PKNOX2: variants seen among roughly 807,000 people sequenced by gnomAD.
The protein encoded by PKNOX2 is PBX/knotted 1 homeobox 2.
Under a neutral mutation model 53.1 loss-of-function variants are expected in PKNOX2, and 14 were observed. The ratio of observed to expected loss-of-function variants is 0.26; its 90% CI spans 0.17 to 0.41. PKNOX2 has a LOEUF of 0.41. Ranked by LOEUF, PKNOX2 falls within the 10% of genes least tolerant of loss-of-function variation. The probability of loss-of-function intolerance (pLI) is 1.00; values close to 1 mark genes in which losing one functional copy is unlikely to be tolerated. For missense variants in PKNOX2, 496 were observed against 602.8 expected (o/e 0.82, Z 1.85); for synonymous variants, 257 against 242.8 (o/e 1.06, Z -0.54).
intron 2 of PKNOX2, among the ~76,000 whole-genome samples, chr11:125,313,338 G>T (rs1209650732): frequency 2.6e-5 from 4 of 152,118 alleles, no homozygotes; most frequent in African/African-American, 4.8e-5. Flanking sequence ...GGTTATCCAG[G>T]TGACATCCTA....
chr11:125,204,680 C>T (rs370267923), intron 1 of PKNOX2, among the ~76,000 whole-genome samples: 4 of 152,254 alleles, frequency 2.6e-5, no homozygotes, highest in South Asian at 4.2e-4. Flanking sequence ...GTGAATTGGC[C>T]ACATTCCCGG....
intron 2 of PKNOX2, among the ~76,000 whole-genome samples, chr11:125,236,195 A>G (rs1307208413): frequency 1.3e-5 from 2 of 152,170 alleles, no homozygotes; most frequent in African/African-American, 4.8e-5. Context: ...CCGGTGAGTG[A>G]GCAGGGCGCC....
chr11:125,385,820 A>G (rs1332976582), intron 6 of PKNOX2, 98 bp downstream of exon 6: 2 of 1,420,234 alleles, frequency 1.4e-6, no homozygotes, highest in Non-Finnish European at 1.9e-6. Context: ...TTTACCAACA[A>G]AAGGTTTTGA....
intron 1 of PKNOX2, chr11:125,191,354 CA>C (rs1386128841): frequency 2.0e-5 from 3 of 152,168 alleles, no homozygotes; most frequent in African/African-American, 7.2e-5. Flanking sequence ...CATTCATTTT[CA>C]AGGGTGTGTA....
intron 1 of PKNOX2, among the ~76,000 whole-genome samples, chr11:125,226,767 T>C (rs1296663446): frequency 6.6e-6 from 1 of 151,532 alleles, no homozygotes; most frequent in East Asian, 1.9e-4. Flanking sequence ...CACCAGGTTT[T>C]TTTTTTTCCT....
chr11:125,265,286 C>CAAA (rs200547805), intron 2 of PKNOX2, among the ~76,000 whole-genome samples: 3 of 139,796 alleles, frequency 2.1e-5, no homozygotes, highest in African/African-American at 7.9e-5. Flanking sequence ...GACTCTGTCT[C>CAAA]AAAAAAAAAA....
intron 10 of PKNOX2, among the ~76,000 whole-genome samples, chr11:125,419,138 C>A (rs1353992675): frequency 1.3e-5 from 2 of 151,922 alleles, no homozygotes; most frequent in East Asian, 3.9e-4. Flanking sequence ...GTTCCTGGGG[C>A]AGGACCTGGG....
intron 1 of PKNOX2, among the ~76,000 whole-genome samples, chr11:125,215,027 G>T (rs117429518): frequency 6.6e-6 from 1 of 152,022 alleles, no homozygotes; most frequent in African/African-American, 2.4e-5. Flanking sequence ...GTGGGAGAGC[G>T]TCCGCGAAGG....
At chr11:125,356,905 T>C (rs1951649363) in intron 4 of PKNOX2, among the ~76,000 whole-genome samples, 1 of 152,254 alleles carries the variant, frequency 6.6e-6, no homozygotes, top group Non-Finnish European at 1.5e-5. Flanking sequence ...TGGGTTCAGA[T>C]GTTTTCACAC....
intron 2 of PKNOX2, among the ~76,000 whole-genome samples, chr11:125,269,404 G>A (rs1340792639): frequency 6.6e-6 from 1 of 152,026 alleles, no homozygotes; most frequent in Middle Eastern, 3.2e-3. Context: ...AATTAATGCT[G>A]TTACAAACAC....
chr11:125,271,850 G>A (rs1483356619), intron 2 of PKNOX2, among the ~76,000 whole-genome samples: 1 of 152,190 alleles, frequency 6.6e-6, no homozygotes, highest in Non-Finnish European at 1.5e-5. Context: ...TCCATTTGGA[G>A]CCATTGATGA....
At chr11:125,209,057 G>C (rs999422756) in intron 1 of PKNOX2, among the ~76,000 whole-genome samples, 3 of 152,052 alleles carry the variant, frequency 2.0e-5, no homozygotes, top group African/African-American at 7.2e-5. Flanking sequence ...AGGGAAGAGA[G>C]AGATGGGAGG....
chr11:125,340,455 CTG>C, intron 3 of PKNOX2, among the ~76,000 whole-genome samples: 1 of 152,196 alleles, frequency 6.6e-6, no homozygotes, highest in Non-Finnish European at 1.5e-5. Context: ...TGGGATCAGA[CTG>C]TGTGTAACAT....
chr11:125,184,758 G>C (rs993933337), intron 1 of PKNOX2, among the ~76,000 whole-genome samples: 1 of 152,172 alleles, frequency 6.6e-6, no homozygotes, highest in African/African-American at 2.4e-5. Flanking sequence ...TGTGTCGGAG[G>C]CTGGCTAGGC....
chr11:125,365,533 GC>G, intron 4 of PKNOX2, among the ~76,000 whole-genome samples: 1 of 152,288 alleles, frequency 6.6e-6, no homozygotes, highest in South Asian at 2.1e-4. Flanking sequence ...ATCAGATTTA[GC>G]CCCTTGCCAA....
At chr11:125,309,110 T>A (rs998685370) in intron 2 of PKNOX2, among the ~76,000 whole-genome samples, 13 of 147,704 alleles carry the variant, frequency 8.8e-5, no homozygotes, top group African/African-American at 3.5e-4. Flanking sequence ...TCATTCAGCC[T>A]GAGATCACAA....
At chr11:125,404,723 T>TAAA (rs1249255697) in intron 7 of PKNOX2, among the ~76,000 whole-genome samples, 1 of 152,162 alleles carries the variant, frequency 6.6e-6, no homozygotes, top group Non-Finnish European at 1.5e-5. Flanking sequence ...ACCATGCACT[T>TAAA]AACATTGCGC....
chr11:125,185,523 C>T (rs573636466), intron 1 of PKNOX2, among the ~76,000 whole-genome samples: 59 of 152,232 alleles, frequency 3.9e-4, no homozygotes, highest in African/African-American at 1.3e-3. Context: ...ACTCTGCATT[C>T]TGCCCTGGTA....
chr11:125,423,378 C>T (rs1226154841), intron 10 of PKNOX2, among the ~76,000 whole-genome samples: 5 of 152,090 alleles, frequency 3.3e-5, no homozygotes, highest in African/African-American at 7.2e-5. Context: ...CCTGAATATA[C>T]GTTCAACAAT....
Sources: allele counts gnomAD v4.1 joint callset (sites outside exome capture counted in the v4.1 genomes callset), GRCh38; gene constraint gnomAD v4.1.1; transcripts MANE v1.5; gene names NCBI Gene and HGNC (gene_info 2026-07-23, HGNC 2026-07-21).